Variants in HIVEP2 observed in about 807,000 individuals in gnomAD.
HIVEP2 encodes HIVEP zinc finger 2, also known as transcription factor HIVEP2.
HIVEP2 carries 14 observed loss-of-function variants against 180.7 expected under a neutral mutation model. The ratio of observed to expected loss-of-function variants is 0.08; its 90% CI spans 0.05 to 0.12. HIVEP2 has a LOEUF of 0.12. Ranked by LOEUF, HIVEP2 falls within the 10% of genes least tolerant of loss-of-function variation. HIVEP2 has a pLI of 1.00. For missense variants in HIVEP2, 2,579 were observed against 3,008.5 expected (o/e 0.86, Z 3.34); for synonymous variants, 1,184 against 1,136.4 (o/e 1.04, Z -0.84).
At chr6:142,848,673 T>C (rs1391506907) in intron 1 of HIVEP2, among the ~76,000 whole-genome samples, 1 of 151,754 alleles carries the variant, frequency 6.6e-6, no homozygotes, top group Non-Finnish European at 1.5e-5. Context: ...CAGTGAGCTG[T>C]GATTGTGCCA....
Position 142,772,543 on chromosome 6 carries a change from C to A in HIVEP2, c.2196G>T (p.Leu732=). The change falls in exon 5 of 10, where the codon CTG becomes CTT. Residue 732 remains leucine, a synonymous_variant. Coordinates refer to ENST00000367603, the MANE Select transcript of HIVEP2 (RefSeq NM_006734.4). This position sits in a 1 kb window ranked among gnomAD's most constrained non-coding sequence, Gnocchi z 4.9. ...CACTCCTGACTCCTTCCTGCATCTGCAGTTTGGGGTCATAATCGGAAGCCA... is the reference window on the plus strand; with the variant it reads ...CACTCCTGACTCCTTCCTGCATCTGAAGTTTGGGGTCATAATCGGAAGCCA... The part of the protein sequence containing the change: ...GIMASDYDPK[L]QMQEGVRSGF... The A allele has an allele frequency of 1.9e-6, 3 of 1,614,168 alleles. No individual in the cohort carries two copies. The highest frequency in any genetic ancestry group is 2.5e-6 in the Non-Finnish European group (3 of 1,180,046).
At chr6:142,831,888 G>A (rs1024433612) in intron 2 of HIVEP2, among the ~76,000 whole-genome samples, 1 of 152,100 alleles carries the variant, frequency 6.6e-6, no homozygotes, top group Admixed American at 6.6e-5. Context: ...AGTCCCCAAA[G>A]TGAATTTTAA....
In HIVEP2 at chr6:142,901,040, G is replaced by T. The variant is rs116566653; in HGVS notation, c.-641+44059C>A. Reference sequence around the variant, plus strand: ...ACTCCACTTTTATTTCAGATTTTCCGTTGCTCATCTTCGTATTCTGCGTGA... The same window carrying T: ...ACTCCACTTTTATTTCAGATTTTCCTTTGCTCATCTTCGTATTCTGCGTGA... On this transcript the variant is annotated intron_variant, in intron 1 of 9. Coordinates refer to ENST00000367603, the MANE Select transcript of HIVEP2 (RefSeq NM_006734.4). Among the ~76,000 whole-genome samples the T allele has an allele frequency of 5.7e-3, 870 of 152,248 alleles. 10 individuals carry two copies. The highest frequency in any genetic ancestry group is 0.018 in the African/African-American group (762 of 41,528).
chr6:142,919,711 A>T (rs1285748600), intron 1 of HIVEP2, among the ~76,000 whole-genome samples: 2 of 152,234 alleles, frequency 1.3e-5, no homozygotes, highest in African/African-American at 4.8e-5. Context: ...TACATTATCT[A>T]TGCAAAAATA....
intron 1 of HIVEP2, among the ~76,000 whole-genome samples, chr6:142,852,300 T>A (rs536976268): frequency 6.6e-5 from 10 of 152,294 alleles, no homozygotes; most frequent in African/African-American, 1.9e-4. Flanking sequence ...AGCATTTCGC[T>A]TTTTTTAATA....
intron 2 of HIVEP2, among the ~76,000 whole-genome samples, chr6:142,805,157 G>A (rs905515262): frequency 6.6e-5 from 10 of 152,108 alleles, no homozygotes; most frequent in African/African-American, 2.4e-4. Context: ...AAACAGGGGA[G>A]TAATTACATG....
At chr6:142,874,581 A>T (rs1776379390) in intron 1 of HIVEP2, among the ~76,000 whole-genome samples, 1 of 152,184 alleles carries the variant, frequency 6.6e-6, no homozygotes, top group Admixed American at 6.6e-5. Context: ...CTAAGGACTA[A>T]CAACTAGGAC....
At position 142,753,621 on chromosome 6, in the gene HIVEP2, T is replaced by C. The variant is rs1029370744; in HGVS notation, c.6827A>G (p.Tyr2276Cys). Residue 2276 changes from tyrosine to cysteine, a missense_variant, in exon 10 of 10, where the codon TAT (tyrosine) becomes TGT (cysteine). Coordinates refer to ENST00000367603, the MANE Select transcript of HIVEP2 (RefSeq NM_006734.4). ...CTTCTCATGCTGCTTAGAAAGCACA[T>C]AGGGGTCCTTGGAGAAGGACTCCCC... Reference protein sequence around the residue: ...ASGESFSKDPYVLSKQHEKRG... With the variant: ...ASGESFSKDPCVLSKQHEKRG... 7 of 1,614,138 alleles carry C rather than the reference T, an allele frequency of 4.3e-6. No individual in the cohort carries two copies. In the South Asian group the frequency reaches 4.4e-5, roughly 10 times the overall value.
intron 2 of HIVEP2, among the ~76,000 whole-genome samples, chr6:142,785,062 G>C (rs1410705536): frequency 6.6e-6 from 1 of 151,542 alleles, no homozygotes; most frequent in Non-Finnish European, 1.5e-5. Context: ...TAATTTTTTT[G>C]CATTTTTAGT....
At chr6:142,910,346 T>C (rs1398464613) in intron 1 of HIVEP2, among the ~76,000 whole-genome samples, 1 of 152,236 alleles carries the variant, frequency 6.6e-6, no homozygotes, top group African/African-American at 2.4e-5. Flanking sequence ...CTTGCGCCTG[T>C]AATCCCAGCA....
chr6:142,862,984 AAT>A (rs945558539), intron 1 of HIVEP2, among the ~76,000 whole-genome samples: 1 of 140,412 alleles, frequency 7.1e-6, no homozygotes, highest in Non-Finnish European at 1.5e-5. Context: ...TGTAATATAT[AAT>A]ATGATATATA....
At chr6:142,944,361 A>ACC (rs55804696) in intron 1 of HIVEP2, among the ~76,000 whole-genome samples, 1,122 of 104,232 alleles carry the variant, frequency 0.011, 84 homozygotes, top group African/African-American at 0.039. Flanking sequence ...TCTGGAGTCC[A>ACC]CCCCCCCCCC....
intron 1 of HIVEP2, among the ~76,000 whole-genome samples, chr6:142,895,986 A>G (rs2128423075): frequency 6.6e-6 from 1 of 152,344 alleles, no homozygotes; most frequent in East Asian, 1.9e-4. Flanking sequence ...AGAGAAAAAC[A>G]TTCAAATAAA....
intron 2 of HIVEP2, among the ~76,000 whole-genome samples, chr6:142,808,558 A>G (rs1348444758): frequency 1.3e-5 from 2 of 150,804 alleles, no homozygotes; most frequent in Non-Finnish European, 3.0e-5. Flanking sequence ...GGATGGATGG[A>G]AGAGAGAGAT....
At chr6:142,756,794 AC>A (rs1163654828) in intron 9 of HIVEP2, among the ~76,000 whole-genome samples, 10 of 146,976 alleles carry the variant, frequency 6.8e-5, no homozygotes, top group African/African-American at 2.5e-4. Context: ...GATAAAAGAT[AC>A]CTTATCTATC....
At chr6:142,798,341 T>G (rs1776327734) in intron 2 of HIVEP2, among the ~76,000 whole-genome samples, 1 of 152,172 alleles carries the variant, frequency 6.6e-6, no homozygotes, top group Admixed American at 6.5e-5. Context: ...GGAGCAAGCT[T>G]TGGCTGAAAG....
intron 1 of HIVEP2, among the ~76,000 whole-genome samples, chr6:142,895,304 T>C (rs556059518): frequency 9.8e-5 from 15 of 152,324 alleles, no homozygotes; most frequent in African/African-American, 3.6e-4. Flanking sequence ...GTAGAAATGT[T>C]TTTTTCAGGA....
At chr6:142,815,067 G>A (rs143716401) in intron 2 of HIVEP2, among the ~76,000 whole-genome samples, 131 of 152,206 alleles carry the variant, frequency 8.6e-4, no homozygotes, top group African/African-American at 3.0e-3. Flanking sequence ...GACAAAGGGG[G>A]CTAACTAATC....
At chr6:142,890,779 C>A (rs1230388643) in intron 1 of HIVEP2, among the ~76,000 whole-genome samples, 1 of 152,196 alleles carries the variant, frequency 6.6e-6, no homozygotes, top group African/African-American at 2.4e-5. Context: ...ACACTTAAAT[C>A]TCTATCTTGT....
Sources: gnomAD v4.1 joint callset for allele counts (sites outside exome capture counted in the v4.1 genomes callset) on GRCh38, gnomAD v4.1.1 for gene constraint, Gnocchi (gnomAD v3.1) non-coding constraint, MANE v1.5 for transcripts, NCBI Gene and HGNC (gene_info 2026-07-23, HGNC 2026-07-21) for gene names.